Variants in CLIP4 observed in about 807,000 individuals in gnomAD.
The protein encoded by CLIP4 is CAP-Gly domain containing linker protein family member 4, also known as CAP-Gly domain-containing linker protein 4.
A neutral mutation model predicts 73.1 loss-of-function variants in CLIP4; 47 were observed. The observed-to-expected ratio is 0.64, with a 90% CI of 0.51 to 0.82. The LOEUF is 0.82. Ranked by LOEUF, CLIP4 falls within the 40% of genes least tolerant of loss-of-function variation. CLIP4 has a pLI of 0.00. For synonymous variants in CLIP4, 306 were observed against 295.4 expected (o/e 1.04, Z -0.37); for missense variants, 874 against 852.9 (o/e 1.02, Z -0.31).
At chr2:29,149,583 C>A (rs1304268681) in intron 8 of CLIP4, among the ~76,000 whole-genome samples, 10 of 151,320 alleles carry the variant, frequency 6.6e-5, no homozygotes, top group Non-Finnish European at 1.3e-4. Flanking sequence ...TTTAGTTAAG[C>A]CTTACAGTTA....
At chr2:29,147,879 T>C (rs1225567245) in intron 8 of CLIP4, among the ~76,000 whole-genome samples, 1 of 152,190 alleles carries the variant, frequency 6.6e-6, no homozygotes, top group Non-Finnish European at 1.5e-5. Flanking sequence ...GTTAGTAGTT[T>C]GAGGTTAAGA....
intron 6 of CLIP4, among the ~76,000 whole-genome samples, chr2:29,140,101 T>G (rs956870521): frequency 2.6e-5 from 4 of 152,188 alleles, no homozygotes; most frequent in Non-Finnish European, 1.5e-5. Flanking sequence ...TATTATACTT[T>G]AAGTTTTAGG....
In CLIP4 at chr2:29,133,621, A is replaced by C. The variant is rs777388878; in HGVS notation, c.368-34A>C. The C allele has an allele frequency of 1.9e-6, 3 of 1,576,984 alleles. No homozygotes were observed. In the African/African-American group the frequency reaches 4.1e-5, roughly 22 times the overall value. On this transcript the variant is annotated intron_variant, in intron 4 of 15. Transcript: ENST00000320081. Reference sequence around the variant, plus strand: ...CCATCCATTGGAACTTAAAATTTGTACTAAAGGAAAGTAATTTAGAAAATC... The same window carrying C: ...CCATCCATTGGAACTTAAAATTTGTCCTAAAGGAAAGTAATTTAGAAAATC...
At chr2:29,130,269 G>A (rs1467052679) in intron 2 of CLIP4, among the ~76,000 whole-genome samples, 2 of 152,164 alleles carry the variant, frequency 1.3e-5, no homozygotes, top group Non-Finnish European at 2.9e-5. Flanking sequence ...AAAATTCAGG[G>A]TGCTTTTCTT....
rs1482264933 is a variant in CLIP4, at chr2:29,167,513, T to C, written c.1696T>C (p.Ser566Pro). The C allele has an allele frequency of 3.1e-6, 5 of 1,608,810 alleles. No homozygotes were observed. In the African/African-American group the frequency reaches 4.0e-5, roughly 13 times the overall value. The change falls in exon 14 of 16, where the codon TCA becomes CCA. Residue 566 changes from serine (S) to proline (P), a missense_variant. Physicochemically the swap from Ser to Pro is moderately conservative, Grantham distance 74. Coordinates refer to ENST00000320081, the MANE Select transcript of CLIP4 (RefSeq NM_024692.6). Reference protein sequence around the residue: ...DSLDTLSEISSNKQNHSYPGF... With the variant: ...DSLDTLSEISPNKQNHSYPGF... ...CCTGGATACCCTTTCAGAAATTTCT[T>C]CAAATAAACAGAACCATTCTTATCC...
chr2:29,144,843 C>T (rs1335374439), intron 7 of CLIP4, among the ~76,000 whole-genome samples: 1 of 126,160 alleles, frequency 7.9e-6, no homozygotes, highest in Non-Finnish European at 1.6e-5. Flanking sequence ...CACTTTGATG[C>T]CTAGGCTGGA....
chr2:29,130,429 T>G (rs528606971), intron 2 of CLIP4, among the ~76,000 whole-genome samples: 1 of 152,056 alleles, frequency 6.6e-6, no homozygotes, highest in South Asian at 2.1e-4. Context: ...TTAGAATGAG[T>G]GGGTTAGTTT....
chr2:29,155,212 C>T (rs796346382), intron 9 of CLIP4, among the ~76,000 whole-genome samples: 38 of 152,276 alleles, frequency 2.5e-4, no homozygotes, highest in African/African-American at 8.7e-4. Flanking sequence ...GCAGGAGGAT[C>T]ACTTGAGTCC....
chr2:29,139,562 GCTC>G (rs1665614328), intron 6 of CLIP4, among the ~76,000 whole-genome samples: 1 of 152,054 alleles, frequency 6.6e-6, no homozygotes, highest in Non-Finnish European at 1.5e-5. Flanking sequence ...ATTGTTATCA[GCTC>G]CTCCTCGTAT....
At chr2:29,170,510 C>A (rs2148088877) in intron 14 of CLIP4, among the ~76,000 whole-genome samples, 1 of 152,286 alleles carries the variant, frequency 6.6e-6, no homozygotes, top group Admixed American at 6.5e-5. Flanking sequence ...AAACATGTAT[C>A]AGACATGTGT....
intron 6 of CLIP4, among the ~76,000 whole-genome samples, chr2:29,142,240 C>T (rs180972197): frequency 2.0e-5 from 3 of 151,882 alleles, no homozygotes; most frequent in African/African-American, 7.2e-5. Context: ...CACAATTGAT[C>T]ATGAATAAGC....
chr2:29,162,887 G>C (rs955545987), intron 12 of CLIP4, among the ~76,000 whole-genome samples: 3 of 152,102 alleles, frequency 2.0e-5, no homozygotes. Flanking sequence ...CTTTGAACTA[G>C]TAATCTGGAA....
At chr2:29,113,601 T>C (rs866798127), upstream of CLIP4, among the ~76,000 whole-genome samples, 2 of 152,360 alleles carry the variant, frequency 1.3e-5, no homozygotes, top group Middle Eastern at 3.4e-3. The surrounding 1 kb of genome is among the most constrained non-coding windows in gnomAD (Gnocchi z 4.0). Flanking sequence ...GGAATTTGCC[T>C]ATGTATCATA....
chr2:29,164,045 C>A, intron 13 of CLIP4, 91 bp downstream of exon 13: 1 of 1,053,006 alleles, frequency 9.5e-7, no homozygotes, highest in Non-Finnish European at 1.4e-6. Flanking sequence ...AAGATATGCT[C>A]TGATTGTAGC....
chr2:29,165,397 C>G (rs1280640613), intron 13 of CLIP4, among the ~76,000 whole-genome samples: 1 of 152,146 alleles, frequency 6.6e-6, no homozygotes, highest in Non-Finnish European at 1.5e-5. Flanking sequence ...CCCTGTGGTG[C>G]AGGCACCATG....
chr2:29,123,295 G>A (rs1434470098), intron 2 of CLIP4, among the ~76,000 whole-genome samples: 1 of 152,124 alleles, frequency 6.6e-6, no homozygotes, highest in Non-Finnish European at 1.5e-5. Flanking sequence ...TTGAAAAGCG[G>A]CATATATAAT....
intron 1 of CLIP4, among the ~76,000 whole-genome samples, chr2:29,101,150 C>T (rs1338806246): frequency 6.6e-6 from 1 of 151,868 alleles, no homozygotes; most frequent in Admixed American, 6.6e-5. Context: ...ATTAGCCAGG[C>T]GTGGTGGTGC....
At chr2:29,163,232 C>T (rs567590475) in intron 12 of CLIP4, among the ~76,000 whole-genome samples, 1 of 151,918 alleles carries the variant, frequency 6.6e-6, no homozygotes, top group African/African-American at 2.4e-5. Context: ...ATAATTCTCC[C>T]TATTAGCTAA....
chr2:29,131,480 G>A (rs567295356), intron 3 of CLIP4, 83 bp downstream of exon 3: 48 of 1,414,910 alleles, frequency 3.4e-5, no homozygotes, highest in Admixed American at 7.4e-5. Flanking sequence ...AAGGAAGATG[G>A]TAATAAAGGA....
Sources: allele counts gnomAD v4.1 joint callset (sites outside exome capture counted in the v4.1 genomes callset), GRCh38; gene constraint gnomAD v4.1.1; non-coding constraint Gnocchi (gnomAD v3.1); transcripts MANE v1.5; gene names NCBI Gene and HGNC (gene_info 2026-07-23, HGNC 2026-07-21).